Variants in PCDHGA10 observed in about 807,000 individuals in gnomAD.
PCDHGA10 encodes the protein protocadherin gamma-A10.
In PCDHGA10, 42 loss-of-function variants were observed where a neutral mutation model predicts 59.5. The ratio of observed to expected loss-of-function variants is 0.71; its 90% confidence interval spans 0.55 to 0.91. PCDHGA10 has a LOEUF of 0.91. PCDHGA10 is among the 40% of genes least tolerant of loss of function. The pLI, the probability that PCDHGA10 is intolerant of heterozygous loss-of-function variation, is 0.00. For missense variants in PCDHGA10, 1,111 were observed against 1,198.2 expected (o/e 0.93, Z 1.07); for synonymous variants, 511 against 517.2 (o/e 0.99, Z 0.16).
intron 1 of PCDHGA10, among the ~76,000 whole-genome samples, chr5:141,454,658 G>A (rs961640658): frequency 7.2e-5 from 11 of 151,812 alleles, no homozygotes; most frequent in Admixed American, 6.6e-5. Context: ...TGCCCACCTC[G>A]GCCTCCCAAA....
chr5:141,499,029 A>AAGGAAGGAAGG lies in PCDHGA10; in HGVS notation c.2495+4165_2495+4166insGGAAGGAAGGA, dbSNP rs1562187768. ...GGAAGGAAGGAAGGAAGGAAGGAAG[A>AAGGAAGGAAGG]AAAGAAAGAAAAAGGGAGAAAAAAT... On this transcript the variant is annotated intron_variant, in intron 2 of 3. Transcript: ENST00000398610. 4.1e-4 allele frequency among the ~76,000 whole-genome samples: 57 copies of AAGGAAGGAAGG among 140,074 alleles called. 2 individuals are homozygous for AAGGAAGGAAGG. Among genetic ancestry groups the AAGGAAGGAAGG allele is most frequent in the African/African-American group, 1.4e-3 (52 of 36,074 alleles). 91.9% of individuals were successfully genotyped at this position (140,074 alleles called of 152,430 possible).
At position 141,487,198 on chromosome 5, in the gene PCDHGA10, T is replaced by A; in HGVS notation, c.2437-7609T>A. The A allele has an allele frequency of 1.2e-6, 2 of 1,613,854 alleles. No individual in the cohort carries two copies. The highest frequency in any genetic ancestry group is 1.7e-6 in the Non-Finnish European group (2 of 1,179,722). ...AAGACACTCATCCAGTTGTCCCAGATCTTCGAGAATCTTCAGCTCCAAGGG... is the reference window on the plus strand; with the variant it reads ...AAGACACTCATCCAGTTGTCCCAGAACTTCGAGAATCTTCAGCTCCAAGGG... On this transcript the variant is annotated intron_variant, in intron 1 of 3. Transcript: ENST00000398610. The surrounding 1 kb of genome is among the most constrained non-coding windows in gnomAD (Gnocchi z 5.0).
Position 141,421,718 on chromosome 5 carries a change from G to A in PCDHGA10, c.2436+6107G>A, listed in dbSNP as rs778263773. On this transcript the variant is annotated intron_variant, in intron 1 of 3. Transcript: ENST00000398610. ...CCTAATGCTAGGGATCCAGATGTGGGCGTGAACTCCCTCCAGAGCTACCAG... is the reference window on the plus strand; with the variant it reads ...CCTAATGCTAGGGATCCAGATGTGGACGTGAACTCCCTCCAGAGCTACCAG... 3.1e-6 allele frequency: 5 copies of A among 1,613,848 alleles called. No homozygotes were observed. The highest frequency in any genetic ancestry group is 2.7e-5 in the African/African-American group (2 of 74,938).
Position 141,511,029 on chromosome 5 carries a change from G to A in PCDHGA10, c.2667G>A (p.Leu889=), listed in dbSNP as rs1372346241. The part of the protein sequence containing the change: ...LSARYGPQFT[L]QHVPDYRQNV... ...CCCGCTACGGACCCCAGTTCACCCT[G>A]CAGCACGTGCCCGACTACCGCCAGA... The change falls in exon 4 of 4, where the codon CTG becomes CTA. Residue 889 remains leucine, a synonymous_variant. Transcript: ENST00000398610. 6.2e-7 allele frequency: 1 copy of A among 1,614,078 alleles called. No individual in the cohort carries two copies. Among genetic ancestry groups the A allele is most frequent in the Non-Finnish European group, 8.5e-7 (1 of 1,180,032 alleles).
intron 1 of PCDHGA10, among the ~76,000 whole-genome samples, chr5:141,446,827 C>A (rs922071842): frequency 6.6e-6 from 1 of 152,114 alleles, no homozygotes; most frequent in Non-Finnish European, 1.5e-5. Context: ...TGGGTAGATC[C>A]TTATAAGGCT....
Position 141,456,380 on chromosome 5 carries a change from C to T in PCDHGA10, c.2437-38427C>T, listed in dbSNP as rs186993611. ...CCATGTGTGGTTCAGTTTACAGCAC[C>T]GTTTGGAGTTTGATTGCTTCTAGGC... is the stretch of plus-strand genomic sequence containing the variant. On this transcript the variant is annotated intron_variant, in intron 1 of 3. Coordinates refer to ENST00000398610, the MANE Select transcript of PCDHGA10 (RefSeq NM_018913.3). Among the ~76,000 whole-genome samples, 427 of 152,082 alleles carry T rather than the reference C, an allele frequency of 2.8e-3. 1 individual carries two copies. Among genetic ancestry groups the T allele is most frequent in the Non-Finnish European group, 2.7e-3 (184 of 68,004 alleles).
At chr5:141,415,974 C>T (rs2095976813) in intron 1 of PCDHGA10, 1 of 375,644 alleles carries the variant, frequency 2.7e-6, no homozygotes, top group African/African-American at 2.1e-5. Flanking sequence ...GCCCCTTAAG[C>T]AACCCTCTTG....
intron 1 of PCDHGA10, chr5:141,427,690 T>TC (rs1331581287): frequency 2.3e-6 from 2 of 881,240 alleles, no homozygotes; most frequent in Non-Finnish European, 3.7e-6. Context: ...GGAGCCTCCA[T>TC]CCCACAAGTC....
intron 1 of PCDHGA10, among the ~76,000 whole-genome samples, chr5:141,465,094 G>GTT (rs138941665): frequency 3.4e-5 from 5 of 148,194 alleles, no homozygotes; most frequent in Non-Finnish European, 6.0e-5. Flanking sequence ...TTTTCTAGTA[G>GTT]TTTTTTTTTT....
At chr5:141,446,102 A>C (rs751362645) in intron 1 of PCDHGA10, among the ~76,000 whole-genome samples, 1 of 152,214 alleles carries the variant, frequency 6.6e-6, no homozygotes, top group Non-Finnish European at 1.5e-5. Context: ...TGAATTATAG[A>C]TATATTTAGG....
At position 141,490,840 on chromosome 5, in the gene PCDHGA10, G is replaced by C. The variant is rs1177428192; in HGVS notation, c.2437-3967G>C. On this transcript the variant is annotated intron_variant, in intron 1 of 3. Transcript: ENST00000398610. This position sits in a 1 kb window ranked among gnomAD's most constrained non-coding sequence, Gnocchi z 5.4. Reference sequence around the variant, plus strand: ...ATTGCTGCAGATGCTGCAGATTGTGGTGGGGGTTCGAGACTCCGGCTCTCC... The same window carrying C: ...ATTGCTGCAGATGCTGCAGATTGTGCTGGGGGTTCGAGACTCCGGCTCTCC... 2 of 1,613,900 alleles carry C rather than the reference G, an allele frequency of 1.2e-6. No homozygotes were observed. Among genetic ancestry groups the C allele is most frequent in the Middle Eastern group, 3.3e-4 (2 of 6,058 alleles).
intron 1 of PCDHGA10, chr5:141,421,468 C>G: frequency 1.2e-6 from 2 of 1,614,096 alleles, no homozygotes; most frequent in Non-Finnish European, 1.7e-6. Flanking sequence ...TGTGAATCCG[C>G]GAAGCGGCAG....
At chr5:141,504,959 T>C (rs1297800554) in intron 2 of PCDHGA10, among the ~76,000 whole-genome samples, 2 of 152,038 alleles carry the variant, frequency 1.3e-5, no homozygotes, top group Non-Finnish European at 2.9e-5. Flanking sequence ...GTTCAATGCA[T>C]TGGACCAGCC....
At chr5:141,442,445 T>A (rs2098325574) in intron 1 of PCDHGA10, 1 of 152,198 alleles carries the variant, frequency 6.6e-6, no homozygotes, top group South Asian at 2.1e-4. Flanking sequence ...CCCTCAGGAC[T>A]CAATAGCAGT....
chr5:141,431,318 G>C lies in PCDHGA10; in HGVS notation c.2436+15707G>C. 1 of 1,614,086 alleles carries C rather than the reference G, an allele frequency of 6.2e-7. No homozygotes were observed. Among genetic ancestry groups the C allele is most frequent in the African/African-American group, 1.3e-5 (1 of 75,050 alleles). On this transcript the variant is annotated intron_variant, in intron 1 of 3. Transcript: ENST00000398610. The surrounding 1 kb of genome is among the most constrained non-coding windows in gnomAD (Gnocchi z 4.8). ...CTCCCTCATCGTGCAAAATGGAGCC[G>C]ACGGTAGTAAGTACCCCGAATTGGT...
chr5:141,449,389 T>C (rs577860793), intron 1 of PCDHGA10, among the ~76,000 whole-genome samples: 5 of 151,964 alleles, frequency 3.3e-5, no homozygotes, highest in African/African-American at 1.2e-4. Flanking sequence ...GGTGGATTAC[T>C]TGAGGCCAGG....
chr5:141,414,473 G>C lies in PCDHGA10; in HGVS notation c.1298G>C (p.Ser433Thr), dbSNP rs371832510. 50 of 1,613,790 alleles carry C rather than the reference G, an allele frequency of 3.1e-5. No individual in the cohort carries two copies. The highest frequency in any genetic ancestry group is 4.1e-5 in the Non-Finnish European group (48 of 1,179,892). Reference sequence around the variant, plus strand: ...ACAGTGACAGCCACAGATGGGGGAAGTCCTCCTCTATCAACGGAAGCTCAC... The same window carrying C: ...ACAGTGACAGCCACAGATGGGGGAACTCCTCCTCTATCAACGGAAGCTCAC... The part of the protein sequence containing the change: ...NITVTATDGG[S>T]PPLSTEAHFM... The change falls in exon 1 of 4, where the codon AGT becomes ACT. Residue 433 changes from serine to threonine, a missense_variant. Transcript: ENST00000398610.
In PCDHGA10 at chr5:141,487,087, C is replaced by G. The variant is rs752261507; in HGVS notation, c.2437-7720C>G. 1.2e-6 allele frequency: 2 copies of G among 1,613,890 alleles called. No homozygotes were observed. Among genetic ancestry groups the G allele is most frequent in the Non-Finnish European group, 1.7e-6 (2 of 1,179,804 alleles). ...CGGCTGTTCCTATCCCAGCTGACCT[C>G]CCACCACAGAAGCTGGTCATTGTGG... On this transcript the variant is annotated intron_variant, in intron 1 of 3. Transcript: ENST00000398610. The surrounding 1 kb of genome is among the most constrained non-coding windows in gnomAD (Gnocchi z 5.0).
chr5:141,456,446 T>C (rs1053843910), intron 1 of PCDHGA10, among the ~76,000 whole-genome samples: 2 of 151,782 alleles, frequency 1.3e-5, no homozygotes, highest in Admixed American at 1.3e-4. Context: ...GTATACAGAG[T>C]CCAAATATCA....
Sources: gnomAD v4.1 joint callset for allele counts (sites outside exome capture counted in the v4.1 genomes callset) on GRCh38, gnomAD v4.1.1 for gene constraint, Gnocchi (gnomAD v3.1) non-coding constraint, MANE v1.5 for transcripts, NCBI Gene and HGNC (gene_info 2026-07-23, HGNC 2026-07-21) for gene names.